The following IQGAP2 variants were observed in gnomAD, a reference collection of about 807,000 sequenced individuals.
IQGAP2 encodes the protein ras GTPase-activating-like protein IQGAP2.
In IQGAP2, 173 loss-of-function variants were observed where a neutral mutation model predicts 201.3. The observed-to-expected ratio is 0.86, with a 90% CI of 0.76 to 0.98. The LOEUF is 0.98. Among genes scored for constraint, IQGAP2 ranks in the 50% least tolerant of loss-of-function variants. The probability of loss-of-function intolerance (pLI) is 0.00; values close to 1 mark genes in which losing one functional copy is unlikely to be tolerated. For missense variants in IQGAP2, 1,687 were observed against 1,864.8 expected (o/e 0.90, Z 1.76); for synonymous variants, 675 against 673.9 (o/e 1.00, Z -0.03).
Position 76,600,845 on chromosome 5 carries a change from G to T in IQGAP2, c.1105G>T (p.Val369Leu). The T allele has an allele frequency of 6.2e-7, 1 of 1,614,142 alleles. No homozygotes were observed. The highest frequency in any genetic ancestry group is 8.5e-7 in the Non-Finnish European group (1 of 1,179,994). Residue 369 changes from valine (V) to leucine (L), a missense_variant, in exon 11 of 36, where the codon GTG becomes TTG. Val to Leu is a conservative substitution (Grantham distance 32). Transcript: ENST00000274364. ...YLAHEELLIA[V>L]EMLSAVALLN... ...GGCCCACGAGGAGCTTTTGATTGCT[G>T]TGGAAATGTTGTCTGCTGTTGCTTT... is the stretch of plus-strand genomic sequence containing the variant.
At chr5:76,706,590 C>T (rs543537280) in intron 35 of IQGAP2, among the ~76,000 whole-genome samples, 1 of 152,190 alleles carries the variant, frequency 6.6e-6, no homozygotes, top group African/African-American at 2.4e-5. Context: ...TCAAGTGATC[C>T]ACCTGCCTCA....
At chr5:76,618,336 C>T in intron 13 of IQGAP2, 1 of 1,614,154 alleles carries the variant, frequency 6.2e-7, no homozygotes, top group Non-Finnish European at 8.5e-7. Flanking sequence ...ACAGATGGAT[C>T]TGGTCCTGAA....
intron 1 of IQGAP2, among the ~76,000 whole-genome samples, chr5:76,442,386 T>A (rs1439913068): frequency 6.6e-6 from 1 of 152,240 alleles, no homozygotes; most frequent in Admixed American, 6.5e-5. Context: ...TATAACATTT[T>A]TAGGCTTTGA....
intron 2 of IQGAP2, among the ~76,000 whole-genome samples, chr5:76,553,850 G>C (rs1425738817): frequency 1.3e-5 from 2 of 152,214 alleles, no homozygotes; most frequent in Admixed American, 6.5e-5. Flanking sequence ...GGAAGAAGCA[G>C]TGAATGCAAG....
At chr5:76,511,219 C>CT (rs778360823) in intron 2 of IQGAP2, among the ~76,000 whole-genome samples, 3 of 152,158 alleles carry the variant, frequency 2.0e-5, no homozygotes, top group Non-Finnish European at 2.9e-5. Context: ...AGATGGGTGG[C>CT]TAATGGTATT....
At chr5:76,581,987 C>T (rs1745903909) in intron 5 of IQGAP2, among the ~76,000 whole-genome samples, 1 of 152,328 alleles carries the variant, frequency 6.6e-6, no homozygotes, top group East Asian at 1.9e-4. Flanking sequence ...AAGGTTAACA[C>T]AAATGGAGCT....
At chr5:76,628,643 G>T (rs1750447993) in intron 14 of IQGAP2, 1 of 452,382 alleles carries the variant, frequency 2.2e-6, no homozygotes, top group South Asian at 1.6e-5. Context: ...TGTTGTATCA[G>T]GTCAGAGAAG....
intron 2 of IQGAP2, among the ~76,000 whole-genome samples, chr5:76,517,694 A>C (rs1758420385): frequency 6.6e-6 from 1 of 151,894 alleles, no homozygotes; most frequent in Non-Finnish European, 1.5e-5. Context: ...AGGAGTTGGG[A>C]ATTGGGAAGA....
At chr5:76,567,722 A>G (rs1034067085) in intron 3 of IQGAP2, among the ~76,000 whole-genome samples, 3 of 152,338 alleles carry the variant, frequency 2.0e-5, no homozygotes, top group African/African-American at 7.2e-5. Flanking sequence ...CTGTAAAATA[A>G]GCAAATTTGG....
At chr5:76,556,653 T>C (rs1261365090) in intron 2 of IQGAP2, among the ~76,000 whole-genome samples, 1 of 152,156 alleles carries the variant, frequency 6.6e-6, no homozygotes, top group East Asian at 1.9e-4. Context: ...TCCTGCTTCA[T>C]TGTGAGGGAT....
intron 2 of IQGAP2, among the ~76,000 whole-genome samples, chr5:76,475,207 G>GA (rs1344222622): frequency 1.3e-5 from 2 of 152,194 alleles, no homozygotes; most frequent in Admixed American, 1.3e-4. Flanking sequence ...CTGAGGTGAG[G>GA]AGGGTGGAGG....
At chr5:76,606,011 G>A (rs1299086917) in intron 11 of IQGAP2, among the ~76,000 whole-genome samples, 168 bp from the exon 12 acceptor site, 1 of 152,186 alleles carries the variant, frequency 6.6e-6, no homozygotes, top group Non-Finnish European at 1.5e-5. Flanking sequence ...ATTAGTACAA[G>A]TAAGCCTGGT....
At chr5:76,683,087 TTG>T (rs1364785645) in intron 28 of IQGAP2, 26 bp from the exon 29 acceptor site, 47 of 1,398,032 alleles carry the variant, frequency 3.4e-5, no homozygotes, top group South Asian at 4.9e-5. Flanking sequence ...ACTTTTTTCT[TTG>T]TGTGTGTGTT....
At chr5:76,703,582 G>A (rs10063755) in intron 35 of IQGAP2, among the ~76,000 whole-genome samples, 48,518 of 147,258 alleles carry the variant, frequency 0.33, 7,979 homozygotes, top group Non-Finnish European at 0.35. Context: ...ATAAATTATC[G>A]TTATTTTATC....
intron 1 of IQGAP2, among the ~76,000 whole-genome samples, chr5:76,426,740 A>T (rs961931800): frequency 6.6e-6 from 1 of 152,188 alleles, no homozygotes; most frequent in Non-Finnish European, 1.5e-5. Flanking sequence ...CTCACAGCCC[A>T]TGATTTTATA....
chr5:76,595,675 C>A (rs1358359399), intron 9 of IQGAP2, among the ~76,000 whole-genome samples: 1 of 151,750 alleles, frequency 6.6e-6, no homozygotes, highest in East Asian at 1.9e-4. Context: ...GTCGGAGGAT[C>A]TCCAGAGCCC....
chr5:76,417,511 C>T (rs1751477880), intron 1 of IQGAP2, among the ~76,000 whole-genome samples: 1 of 152,204 alleles, frequency 6.6e-6, no homozygotes, highest in South Asian at 2.1e-4. Flanking sequence ...TCTCGAACTC[C>T]TTACCTCAAG....
In IQGAP2 at chr5:76,658,444, T is replaced by A; in HGVS notation, c.2321-15T>A. On this transcript the variant is annotated splice_polypyrimidine_tract_variant and intron_variant, in intron 20 of 35. Transcript: ENST00000274364. ...AGCTTTCCTAATTAAAGTATACCTG[T>A]TCCTGTCACTGCAGTTGGCTCTGAA... is the stretch of plus-strand genomic sequence containing the variant. 1 of 1,597,766 alleles carries A rather than the reference T, an allele frequency of 6.3e-7. No individual in the cohort carries two copies. Among genetic ancestry groups the A allele is most frequent in the Non-Finnish European group, 8.6e-7 (1 of 1,165,236 alleles).
At chr5:76,618,448 A>G in intron 13 of IQGAP2, 1 of 1,614,146 alleles carries the variant, frequency 6.2e-7, no homozygotes, top group Non-Finnish European at 8.5e-7. Context: ...CTGGTCAGGT[A>G]CCCCATGGTA....
Sources: allele counts gnomAD v4.1 joint callset (sites outside exome capture counted in the v4.1 genomes callset), GRCh38; gene constraint gnomAD v4.1.1; transcripts MANE v1.5; gene names NCBI Gene and HGNC (gene_info 2026-07-23, HGNC 2026-07-21).